WNT2: variants seen among roughly 807,000 people sequenced by gnomAD.
WNT2 encodes Wnt family member 2, also known as protein Wnt-2.
WNT2 carries 12 observed loss-of-function variants against 36.9 expected under a neutral mutation model. The ratio of observed to expected loss-of-function variants is 0.33; its 90% CI spans 0.21 to 0.53. The LOEUF (loss-of-function observed/expected upper bound fraction) is 0.53. WNT2 is among the 20% of genes least tolerant of loss of function. The probability of loss-of-function intolerance (pLI) is 0.95; values close to 1 mark genes in which losing one functional copy is unlikely to be tolerated. For missense variants in WNT2, 379 were observed against 473.1 expected, an observed-to-expected ratio of 0.80 and a Z score of 1.84; for synonymous variants, 163 against 174.6, an observed-to-expected ratio of 0.93 and a Z score of 0.52.
intron 3 of WNT2, among the ~76,000 whole-genome samples, chr7:117,301,591 A>G (rs1462118735): frequency 1.3e-5 from 2 of 152,220 alleles, no homozygotes; most frequent in African/African-American, 4.8e-5. Context: ...AAAGTAAGTT[A>G]TCGTTCCCAT....
intron 3 of WNT2, among the ~76,000 whole-genome samples, chr7:117,298,184 G>A (rs760910747): frequency 6.6e-6 from 1 of 152,132 alleles, no homozygotes; most frequent in Non-Finnish European, 1.5e-5. Context: ...GTGAGGGATT[G>A]AATTATTTTC....
At position 117,322,850 on chromosome 7, in the gene WNT2, C is replaced by T. The variant is rs1795355026; in HGVS notation, c.83+57G>A. On this transcript the variant is annotated intron_variant, in intron 1 of 4. Coordinates refer to ENST00000265441, the MANE Select transcript of WNT2 (RefSeq NM_003391.3). This position sits in a 1 kb window ranked among gnomAD's most constrained non-coding sequence, Gnocchi z 5.4. ...CGCAGCCAGGAAGGGTCTATGTGGC[C>T]AATGCGGTCCCCATTCCGATCTCCA... The T allele has an allele frequency of 6.4e-7, 1 of 1,566,066 alleles. No individual in the cohort carries two copies. The highest frequency in any genetic ancestry group is 1.1e-5 in the South Asian group (1 of 90,004).
chr7:117,299,749 G>A (rs1361791484), intron 3 of WNT2, among the ~76,000 whole-genome samples: 1 of 152,066 alleles, frequency 6.6e-6, no homozygotes, highest in Non-Finnish European at 1.5e-5. Context: ...TCCCATCTCA[G>A]CCTCCCAAAA....
intron 3 of WNT2, among the ~76,000 whole-genome samples, chr7:117,305,477 A>G (rs62469414): frequency 0.01 from 1,588 of 152,294 alleles, 13 homozygotes; most frequent in Non-Finnish European, 0.017. Context: ...CAGTAATTGC[A>G]GGAGTAATTT....
At chr7:117,280,313 G>A (rs1158332670) in intron 4 of WNT2, among the ~76,000 whole-genome samples, 1 of 152,176 alleles carries the variant, frequency 6.6e-6, no homozygotes, top group Non-Finnish European at 1.5e-5. Context: ...AGGACTCACT[G>A]CCAAATGCTG....
rs562396847 is a variant in WNT2, at chr7:117,275,949, T to C, written c.*2206A>G. On this transcript the variant is annotated 3_prime_UTR_variant, in exon 5 of 5. Coordinates refer to ENST00000265441, the MANE Select transcript of WNT2 (RefSeq NM_003391.3). ...ATCTCAGCATAAAAAGAATGTCAGA[T>C]CTAAACATACCAGGCATAAAAAAAG... is the stretch of plus-strand genomic sequence containing the variant. Among the ~76,000 whole-genome samples the C allele has an allele frequency of 1.3e-5, 2 of 152,256 alleles. No individual in the cohort carries two copies. The highest frequency in any genetic ancestry group is 4.1e-4 in the South Asian group (2 of 4,832).
At chr7:117,295,358 A>T (rs1296439983) in intron 4 of WNT2, among the ~76,000 whole-genome samples, 2 of 152,232 alleles carry the variant, frequency 1.3e-5, no homozygotes, top group Non-Finnish European at 2.9e-5. Context: ...GGTACTACAG[A>T]TATATCTGCT....
At chr7:117,306,738 A>G (rs1226754367) in intron 3 of WNT2, among the ~76,000 whole-genome samples, 1 of 152,172 alleles carries the variant, frequency 6.6e-6, no homozygotes, top group Non-Finnish European at 1.5e-5. Context: ...CATGTGCCTT[A>G]ATCCCATCTA....
At chr7:117,281,885 T>C (rs1252634033) in intron 4 of WNT2, among the ~76,000 whole-genome samples, 2 of 151,978 alleles carry the variant, frequency 1.3e-5, no homozygotes, top group Non-Finnish European at 2.9e-5. Context: ...GTGGATGACA[T>C]AGATGAATGT....
chr7:117,279,731 G>T lies in WNT2; in HGVS notation c.854-1347C>A, dbSNP rs559822240. ...GTATCCTTATAAGAAGCTTCCCCTTGTGGCTTAAACTGTCCCAGTTTCTAT... is the reference window on the plus strand; with the variant it reads ...GTATCCTTATAAGAAGCTTCCCCTTTTGGCTTAAACTGTCCCAGTTTCTAT... On this transcript the variant is annotated intron_variant, in intron 4 of 4. Transcript: ENST00000265441. 2.6e-5 allele frequency among the ~76,000 whole-genome samples: 4 copies of T among 152,202 alleles called. No individual in the cohort carries two copies. The East Asian group carries it at 7.7e-4, about 29-fold the overall frequency.
At chr7:117,286,291 C>T (rs1794577696) in intron 4 of WNT2, among the ~76,000 whole-genome samples, 1 of 152,172 alleles carries the variant, frequency 6.6e-6, no homozygotes, top group Non-Finnish European at 1.5e-5. Flanking sequence ...ACATTTCTGT[C>T]TCCACTAACA....
chr7:117,314,610 G>A (rs1795179826), intron 3 of WNT2, among the ~76,000 whole-genome samples: 1 of 152,152 alleles, frequency 6.6e-6, no homozygotes, highest in South Asian at 2.1e-4. Flanking sequence ...TCCCAAAGAG[G>A]GCATCCCTAA....
chr7:117,293,409 G>A (rs1350342135), intron 4 of WNT2, among the ~76,000 whole-genome samples: 1 of 152,062 alleles, frequency 6.6e-6, no homozygotes, highest in Non-Finnish European at 1.5e-5. Flanking sequence ...GTGCTGGCAA[G>A]TAGAAGGCGC....
intron 3 of WNT2, among the ~76,000 whole-genome samples, chr7:117,307,201 G>T (rs1795031483): frequency 6.6e-6 from 1 of 152,032 alleles, no homozygotes; most frequent in African/African-American, 2.4e-5. Context: ...ATATTTCTCT[G>T]CTCTAACTTT....
intron 2 of WNT2, among the ~76,000 whole-genome samples, chr7:117,315,640 T>G (rs1391027450): frequency 6.6e-6 from 1 of 152,206 alleles, no homozygotes; most frequent in East Asian, 1.9e-4. Context: ...CACATTAGTC[T>G]CAAACACAGG....
chr7:117,315,402 A>C (rs1197988580), intron 2 of WNT2, 54 bp from the exon 3 acceptor site: 2 of 1,531,226 alleles, frequency 1.3e-6, no homozygotes, highest in East Asian at 4.6e-5. Flanking sequence ...TTTCTGAATA[A>C]CTTTCATATG....
chr7:117,308,797 T>G (rs1795065129), intron 3 of WNT2, among the ~76,000 whole-genome samples: 1 of 152,046 alleles, frequency 6.6e-6, no homozygotes, highest in Non-Finnish European at 1.5e-5. Context: ...TTTCTAAGAG[T>G]GTGATTTCTT....
chr7:117,301,178 A>ATC (rs1794898897), intron 3 of WNT2: 1 of 152,206 alleles, frequency 6.6e-6, no homozygotes, highest in Non-Finnish European at 1.5e-5. Flanking sequence ...TTGAGACAGC[A>ATC]TCTCTAGTAT....
intron 3 of WNT2, among the ~76,000 whole-genome samples, chr7:117,304,549 C>T (rs2116369268): frequency 6.6e-6 from 1 of 151,948 alleles, no homozygotes; most frequent in East Asian, 1.9e-4. Context: ...AACTCTCCTG[C>T]CTCAGCCTCC....
Sources: allele counts gnomAD v4.1 joint callset (sites outside exome capture counted in the v4.1 genomes callset), GRCh38; gene constraint gnomAD v4.1.1; non-coding constraint Gnocchi (gnomAD v3.1); transcripts MANE v1.5; gene names NCBI Gene and HGNC (gene_info 2026-07-23, HGNC 2026-07-21).